The following CCNG1 variants were observed in gnomAD, a reference collection of about 807,000 sequenced individuals.
CCNG1 encodes the protein cyclin-G1.
A neutral mutation model predicts 30.0 loss-of-function variants in CCNG1; 13 were observed. That is an observed-to-expected ratio of 0.43 (90% CI 0.28 to 0.69). CCNG1 has a LOEUF of 0.69. Ranked by LOEUF, CCNG1 falls within the 30% of genes least tolerant of loss-of-function variation. CCNG1 has a pLI of 0.16. For synonymous variants in CCNG1, 110 were observed against 121.5 expected (o/e 0.91, Z 0.62); for missense variants, 285 against 331.4 (o/e 0.86, Z 1.09).
intron 1 of CCNG1, 27 bp downstream of exon 1, chr5:163,437,831 C>G (rs1312697470): frequency 6.6e-6 from 1 of 152,444 alleles, no homozygotes; most frequent in African/African-American, 2.4e-5. Context: ...GGGAGTTGAC[C>G]GCCAGGTGCG....
chr5:163,446,212 GAACCTTGTACATATTTACA>G (rs1409672642), downstream of CCNG1: 2 of 152,102 alleles, frequency 1.3e-5, no homozygotes, highest in Non-Finnish European at 2.9e-5. Context: ...AAAAGTATCT[GAACCTTGTACATATTTACA>G]ATTATGAGAC....
the CCNG1 span, among the ~76,000 whole-genome samples, chr5:163,456,726 A>G: frequency 6.6e-6 from 1 of 152,244 alleles, no homozygotes; most frequent in African/African-American, 2.4e-5. Context: ...AATCACAGCA[A>G]TACAAATAAA....
In CCNG1 at chr5:163,442,569, G is replaced by C; in HGVS notation, c.*3+1G>C. The C allele has an allele frequency of 6.3e-7, 1 of 1,589,478 alleles. No homozygotes were observed. ...AATTCCTGAAATGGTCCCTTAACTG[G>C]TAAATTTGGTCCGTTATTATTCTCC... On this transcript the variant is annotated splice_donor_variant, in intron 6 of 6. Coordinates refer to ENST00000340828, the MANE Select transcript of CCNG1 (RefSeq NM_004060.4). LOFTEE classifies it low-confidence loss of function (3UTR_SPLICE).
the CCNG1 span, among the ~76,000 whole-genome samples, chr5:163,455,082 T>C: frequency 6.6e-6 from 1 of 151,854 alleles, no homozygotes; most frequent in African/African-American, 2.4e-5. Flanking sequence ...GTGGGCCAAA[T>C]TTGGCCCAAG....
intron 1 of CCNG1, among the ~76,000 whole-genome samples, chr5:163,438,010 C>A (rs1757576671): frequency 6.6e-6 from 1 of 152,140 alleles, no homozygotes; most frequent in Non-Finnish European, 1.5e-5. Context: ...CGACCCAGTC[C>A]CAGGGACTAG....
chr5:163,457,282 C>G, the CCNG1 span, among the ~76,000 whole-genome samples: 1 of 152,118 alleles, frequency 6.6e-6, no homozygotes, highest in Admixed American at 6.5e-5. Context: ...CAGGCATGCG[C>G]CACCATGCCC....
downstream of CCNG1, among the ~76,000 whole-genome samples, chr5:163,445,647 G>A (rs1169460969): frequency 2.0e-5 from 1 of 48,858 alleles, no homozygotes; most frequent in Admixed American, 3.0e-4. Context: ...TGTAGAGGCA[G>A]TGTTGTCACT....
the CCNG1 span, chr5:163,453,360 T>G: frequency 6.6e-6 from 1 of 152,308 alleles, no homozygotes; most frequent in African/African-American, 2.4e-5. Context: ...TGATCACACT[T>G]CTCTTTTGTG....
At chr5:163,441,012 T>C in intron 2 of CCNG1, 66 bp from the exon 3 acceptor site, 2 of 1,497,508 alleles carry the variant, frequency 1.3e-6, no homozygotes, top group South Asian at 1.3e-5. Context: ...TTCTAGATTA[T>C]CCTTTATGTT....
chr5:163,450,734 G>GC (rs1299787118), downstream of CCNG1: 2 of 152,184 alleles, frequency 1.3e-5, no homozygotes, highest in African/African-American at 4.8e-5. Flanking sequence ...AAAAGATGTA[G>GC]CTGCTTTGGG....
chr5:163,449,793 A>G (rs1758131156), downstream of CCNG1: 1 of 152,202 alleles, frequency 6.6e-6, no homozygotes, highest in African/African-American at 2.4e-5. Flanking sequence ...AAAGGTGAAA[A>G]GACAACTCAA....
intron 1 of CCNG1, among the ~76,000 whole-genome samples, chr5:163,438,318 T>G (rs185908140): frequency 6.6e-6 from 1 of 151,398 alleles, no homozygotes; most frequent in African/African-American, 2.4e-5. Flanking sequence ...TATTGAGTAT[T>G]GTGTGCCAAG....
chr5:163,443,270 CCACTA>C (rs959074325), intron 6 of CCNG1, among the ~76,000 whole-genome samples: 1 of 149,922 alleles, frequency 6.7e-6, no homozygotes, highest in Non-Finnish European at 1.5e-5. Flanking sequence ...TGAGATCGCG[CCACTA>C]CACTCCAGCC....
At chr5:163,455,489 C>T in the CCNG1 span, among the ~76,000 whole-genome samples, 3 of 152,052 alleles carry the variant, frequency 2.0e-5, no homozygotes, top group Non-Finnish European at 4.4e-5. Context: ...ACTGGCTGGG[C>T]GCGGTGGTTC....
intron 6 of CCNG1, 109 bp from the exon 7 acceptor site, chr5:163,443,565 C>A: frequency 1.6e-6 from 1 of 641,676 alleles, no homozygotes; most frequent in Non-Finnish European, 2.7e-6. Context: ...TTTAATACAT[C>A]TACATGTGAT....
the CCNG1 span, chr5:163,452,481 C>A: frequency 6.6e-6 from 1 of 151,976 alleles, no homozygotes; most frequent in Non-Finnish European, 1.5e-5. Flanking sequence ...TAATTTTGAG[C>A]ACCAATGTAA....
At chr5:163,443,329 GA>G (rs925440318) in intron 6 of CCNG1, among the ~76,000 whole-genome samples, 49 of 143,634 alleles carry the variant, frequency 3.4e-4, no homozygotes, top group Non-Finnish European at 6.7e-4. Context: ...AAAAAAAAAA[GA>G]AAAAAAGTAG....
downstream of CCNG1, chr5:163,445,801 T>C (rs1473297045): frequency 1.3e-5 from 2 of 152,064 alleles, no homozygotes; most frequent in Non-Finnish European, 2.9e-5. Flanking sequence ...CAAATAATTG[T>C]TTAATGTGTA....
chr5:163,450,850 G>A (rs529736078), downstream of CCNG1: 15 of 152,308 alleles, frequency 9.8e-5, no homozygotes, highest in South Asian at 1.5e-3. Context: ...ACTTGTACAC[G>A]TTTATAGCAG....
Sources: allele counts gnomAD v4.1 joint callset (sites outside exome capture counted in the v4.1 genomes callset), GRCh38; gene constraint gnomAD v4.1.1; transcripts MANE v1.5; gene names NCBI Gene and HGNC (gene_info 2026-07-23, HGNC 2026-07-21).